CCDC3: variants seen among roughly 807,000 people sequenced by gnomAD.
CCDC3 encodes coiled-coil domain-containing protein 3.
A neutral mutation model predicts 21.4 loss-of-function variants in CCDC3; 24 were observed. The observed-to-expected ratio is 1.12, with a 90% CI of 0.81 to 1.58. The LOEUF is 1.58. Among genes scored for constraint, CCDC3 ranks in the 40% most tolerant of loss-of-function variants. The probability of loss-of-function intolerance (pLI) is 0.00; values close to 1 mark genes in which losing one functional copy is unlikely to be tolerated. For missense variants in CCDC3, 425 were observed against 360.9 expected (o/e 1.18, Z -1.44); for synonymous variants, 186 against 166.0 (o/e 1.12, Z -0.93).
chr10:13,053,101 A>G (rs1177835468), intron 4 of CCDC3, among the ~76,000 whole-genome samples: 1 of 152,172 alleles, frequency 6.6e-6, no homozygotes, highest in East Asian at 1.9e-4. Flanking sequence ...GGGTCAGGAA[A>G]AAGGATTTTT....
intron 5 of CCDC3, among the ~76,000 whole-genome samples, chr10:13,032,078 C>A (rs1316699771): frequency 1.3e-5 from 2 of 152,082 alleles, no homozygotes; most frequent in Admixed American, 1.3e-4. Context: ...TGAACATTGA[C>A]GCGAAAATCC....
At chr10:12,914,310 T>A (rs966093782) in intron 2 of CCDC3, among the ~76,000 whole-genome samples, 8 of 152,204 alleles carry the variant, frequency 5.3e-5, no homozygotes, top group African/African-American at 1.9e-4. Flanking sequence ...CATAGTAGGT[T>A]GTATGTGTCT....
intron 2 of CCDC3, among the ~76,000 whole-genome samples, chr10:12,911,031 G>A (rs1296443669): frequency 3.3e-5 from 5 of 152,134 alleles, no homozygotes; most frequent in Admixed American, 2.0e-4. Flanking sequence ...TTCTATAAAC[G>A]ACCACAGTTA....
At chr10:12,915,012 G>A (rs542845113) in intron 2 of CCDC3, among the ~76,000 whole-genome samples, 275 of 152,156 alleles carry the variant, frequency 1.8e-3, no homozygotes, top group African/African-American at 6.3e-3. Context: ...GCTGCATCCC[G>A]TAAGTTTTGG....
rs182530972 is a variant in CCDC3, at chr10:13,094,060, A to C, written c.-503+4465T>G. ...TTTGTAGCAAAACAAGGAAGCAAAG[A>C]CTTAACATTTCATCGGTGCTGTGCT... On this transcript the variant is annotated intron_variant, in intron 3 of 6. Transcript: ENST00000378839. Among the ~76,000 whole-genome samples the C allele has an allele frequency of 2.6e-5, 4 of 152,350 alleles. No homozygotes were observed. The East Asian group carries it at 5.8e-4, about 22-fold the overall frequency.
At chr10:13,094,112 A>T (rs1832605919) in intron 3 of CCDC3, among the ~76,000 whole-genome samples, 1 of 152,202 alleles carries the variant, frequency 6.6e-6, no homozygotes, top group East Asian at 1.9e-4. Flanking sequence ...GGCGGCAGGG[A>T]TTAGACAGGT....
intron 3 of CCDC3, among the ~76,000 whole-genome samples, chr10:13,091,820 CAAAAAA>C (rs5783305): frequency 1.6e-5 from 2 of 127,354 alleles, no homozygotes; most frequent in Non-Finnish European, 1.6e-5. Flanking sequence ...AAGCCCAATC[CAAAAAA>C]AAAAAAAAAA....
chr10:12,919,977 C>A (rs1161901587), intron 2 of CCDC3, among the ~76,000 whole-genome samples: 1 of 152,110 alleles, frequency 6.6e-6, no homozygotes, highest in Non-Finnish European at 1.5e-5. Flanking sequence ...CAAATTCCAT[C>A]TAGTGGGCCC....
chr10:12,955,924 C>A (rs1835076211), intron 2 of CCDC3, among the ~76,000 whole-genome samples: 1 of 151,996 alleles, frequency 6.6e-6, no homozygotes, highest in African/African-American at 2.4e-5. Context: ...GCAAGGCTGG[C>A]CTCAAACGCC....
At chr10:12,906,094 G>T (rs1399930453) in intron 2 of CCDC3, among the ~76,000 whole-genome samples, 1 of 152,194 alleles carries the variant, frequency 6.6e-6, no homozygotes, top group Non-Finnish European at 1.5e-5. Flanking sequence ...CTATGAGGAG[G>T]TGGGCAGAGA....
At chr10:12,951,757 A>G (rs910825818) in intron 2 of CCDC3, among the ~76,000 whole-genome samples, 1 of 139,912 alleles carries the variant, frequency 7.1e-6, no homozygotes, top group Non-Finnish European at 1.5e-5. Context: ...GTAAGCTGAG[A>G]CTGAGCCACA....
At chr10:13,079,509 A>G (rs1274439418) in intron 3 of CCDC3, among the ~76,000 whole-genome samples, 1 of 152,190 alleles carries the variant, frequency 6.6e-6, no homozygotes, top group Non-Finnish European at 1.5e-5. Flanking sequence ...GTTGGGACAC[A>G]TACCAAGGCA....
chr10:12,969,287 T>C (rs1472564356), intron 2 of CCDC3, among the ~76,000 whole-genome samples: 1 of 152,000 alleles, frequency 6.6e-6, no homozygotes. Flanking sequence ...ATGACTATAA[T>C]AAAAAAGACA....
chr10:12,986,830 G>C (rs1047878983), intron 2 of CCDC3, among the ~76,000 whole-genome samples: 2 of 151,756 alleles, frequency 1.3e-5, no homozygotes, highest in Non-Finnish European at 2.9e-5. Flanking sequence ...TGTAAAATAG[G>C]AAACTAAAAA....
intron 5 of CCDC3, among the ~76,000 whole-genome samples, chr10:13,008,796 G>C (rs1352395326): frequency 6.6e-6 from 1 of 152,176 alleles, no homozygotes; most frequent in African/African-American, 2.4e-5. Flanking sequence ...TTCTCAACCT[G>C]ATAAAAAGCA....
chr10:12,980,586 C>T (rs368079285), intron 2 of CCDC3, among the ~76,000 whole-genome samples: 79 of 152,148 alleles, frequency 5.2e-4, no homozygotes, highest in African/African-American at 1.7e-3. Flanking sequence ...ATAATGTCTT[C>T]TTCCCCGGAG....
chr10:12,933,458 A>T (rs79367375), intron 2 of CCDC3, among the ~76,000 whole-genome samples: 13,696 of 144,254 alleles, frequency 0.095, 698 homozygotes, highest in African/African-American at 0.13. Context: ...TATTCCCTTT[A>T]TTTTTTTTTT....
intron 5 of CCDC3, among the ~76,000 whole-genome samples, chr10:13,037,279 A>G (rs748889925): frequency 7.2e-5 from 11 of 152,180 alleles, no homozygotes; most frequent in Non-Finnish European, 1.5e-4. Context: ...GTTTTAAAAC[A>G]AATCCAAGTT....
chr10:13,043,525 G>A (rs1836488750), intron 5 of CCDC3, among the ~76,000 whole-genome samples: 1 of 152,108 alleles, frequency 6.6e-6, no homozygotes, highest in Non-Finnish European at 1.5e-5. Flanking sequence ...CCCAGGAGGT[G>A]GAGGTTGCAG....
Sources: gnomAD v4.1 joint callset for allele counts (sites outside exome capture counted in the v4.1 genomes callset) on GRCh38, gnomAD v4.1.1 for gene constraint, MANE v1.5 for transcripts, NCBI Gene and HGNC (gene_info 2026-07-23, HGNC 2026-07-21) for gene names.